Variants in CEP70 observed in about 807,000 individuals in gnomAD.
CEP70 encodes centrosomal protein 70.
CEP70 carries 70 observed loss-of-function variants against 90.9 expected under a neutral mutation model. The ratio of observed to expected loss-of-function variants is 0.77; its 90% confidence interval spans 0.64 to 0.94. The LOEUF (loss-of-function observed/expected upper bound fraction) is 0.94, where lower values mean the gene tolerates loss of function less well. CEP70 is among the 40% of genes least tolerant of loss of function. CEP70 has a pLI of 0.00. For synonymous variants in CEP70, 220 were observed against 228.3 expected, an observed-to-expected ratio of 0.96 and a Z score of 0.33; for missense variants, 648 against 669.0, an observed-to-expected ratio of 0.97 and a Z score of 0.35.
chr3:138,514,783 G>A (rs1469942664), intron 11 of CEP70, among the ~76,000 whole-genome samples: 1 of 151,950 alleles, frequency 6.6e-6, no homozygotes, highest in Non-Finnish European at 1.5e-5. Flanking sequence ...GTAGCTAAGA[G>A]TATAAGTTTT....
chr3:138,577,310 G>A (rs1402628420), intron 2 of CEP70, among the ~76,000 whole-genome samples: 3 of 152,090 alleles, frequency 2.0e-5, no homozygotes, highest in South Asian at 2.1e-4. Context: ...AAACCTGCAC[G>A]CTGTCATGTA....
At chr3:138,506,912 ATTT>A (rs879518945) in intron 12 of CEP70, among the ~76,000 whole-genome samples, 1 of 148,304 alleles carries the variant, frequency 6.7e-6, no homozygotes, top group Non-Finnish European at 1.5e-5. Context: ...AGCTAATTAA[ATTT>A]TTTTTTTTCT....
In CEP70 at chr3:138,500,021, A is replaced by C; in HGVS notation, c.1652+89T>G. 4.6e-6 allele frequency: 4 copies of C among 862,304 alleles called. No homozygotes were observed. Among genetic ancestry groups the C allele is most frequent in the South Asian group, 1.4e-5 (1 of 69,972 alleles). 53.4% of individuals were successfully genotyped at this position (862,304 alleles called of 1,614,324 possible). A position where few individuals can be genotyped will look rare whatever the true frequency, so the allele number is the denominator to read the frequency against. ...TCCTGGGTTCAAGTGATCCTCCCAC[A>C]TCAGCCTCCCAAGTAGCTGGGACTA... On this transcript the variant is annotated intron_variant, in intron 16 of 17. Transcript: ENST00000264982.
chr3:138,504,463 C>A (rs1038928112), intron 13 of CEP70, among the ~76,000 whole-genome samples: 2 of 152,142 alleles, frequency 1.3e-5, no homozygotes, highest in African/African-American at 2.4e-5. Context: ...AAAACACTGT[C>A]TTCATGGAGC....
At chr3:138,513,949 AT>A (rs2035763670) in intron 11 of CEP70, among the ~76,000 whole-genome samples, 1 of 145,214 alleles carries the variant, frequency 6.9e-6, no homozygotes, top group South Asian at 2.1e-4. Flanking sequence ...TTAACTACAA[AT>A]CTAAAAAAAA....
intron 6 of CEP70, among the ~76,000 whole-genome samples, chr3:138,558,739 A>T (rs931288598): frequency 6.6e-6 from 1 of 152,182 alleles, no homozygotes; most frequent in Admixed American, 6.5e-5. Context: ...GTAAAATAAC[A>T]CCACAGTAGA....
chr3:138,548,963 T>C (rs620035), intron 6 of CEP70, among the ~76,000 whole-genome samples: 83,560 of 151,938 alleles, frequency 0.55, 24,724 homozygotes, highest in African/African-American at 0.78. Context: ...GTCTAGCTCA[T>C]GGGACAGGAT....
chr3:138,581,980 T>C (rs1161760905), intron 2 of CEP70, among the ~76,000 whole-genome samples: 1 of 152,116 alleles, frequency 6.6e-6, no homozygotes, highest in Non-Finnish European at 1.5e-5. Context: ...TTTAAAATGC[T>C]GAAGCAAAAA....
intron 2 of CEP70, among the ~76,000 whole-genome samples, chr3:138,577,850 A>T (rs1486284665): frequency 6.6e-6 from 1 of 152,194 alleles, no homozygotes; most frequent in Non-Finnish European, 1.5e-5. Flanking sequence ...TGTTGAAGGG[A>T]AAAAAGACTT....
chr3:138,584,343 A>C (rs1460788834), intron 2 of CEP70, among the ~76,000 whole-genome samples: 1 of 151,980 alleles, frequency 6.6e-6, no homozygotes, highest in African/African-American at 2.4e-5. Context: ...CCAAACATTT[A>C]AAGAATTAAC....
rs751493975 is a variant in CEP70 at position 138,560,644 on chromosome 3, G to A, written c.465+9674C>T. Among the ~76,000 whole-genome samples, 80 of 152,106 alleles carry A rather than the reference G, an allele frequency of 5.3e-4. 1 individual carries two copies. Among genetic ancestry groups the A allele is most frequent in the Non-Finnish European group, 4.6e-4 (31 of 68,002 alleles). On this transcript the variant is annotated intron_variant, in intron 6 of 17. Transcript: ENST00000264982. ...CTGGCTTGAAATTCTCACTGCCAGC[G>A]CAGCAGTCTGAGGTCAACCTGGGAC...
At chr3:138,527,779 C>A (rs1185051579) in intron 10 of CEP70, among the ~76,000 whole-genome samples, 1 of 151,786 alleles carries the variant, frequency 6.6e-6, no homozygotes, top group Non-Finnish European at 1.5e-5. Flanking sequence ...GTCTCGAACT[C>A]CTGGCCTCAA....
intron 12 of CEP70, among the ~76,000 whole-genome samples, chr3:138,508,140 A>G (rs2035163150): frequency 6.6e-6 from 1 of 152,208 alleles, no homozygotes; most frequent in African/African-American, 2.4e-5. Context: ...AACAGAAACA[A>G]TACGAGGGAA....
At chr3:138,557,253 C>T (rs1263848611) in intron 6 of CEP70, among the ~76,000 whole-genome samples, 3 of 152,194 alleles carry the variant, frequency 2.0e-5, no homozygotes, top group African/African-American at 7.2e-5. Flanking sequence ...CTGAACATTG[C>T]TGTTATCCTG....
At chr3:138,519,916 G>A (rs1416247433) in intron 11 of CEP70, among the ~76,000 whole-genome samples, 1 of 152,168 alleles carries the variant, frequency 6.6e-6, no homozygotes, top group African/African-American at 2.4e-5. Flanking sequence ...AGACCCATCA[G>A]TGTGCTGTAT....
At position 138,537,354 on chromosome 3, in the gene CEP70, G is replaced by T. The variant is rs1341093661; in HGVS notation, c.466-7C>A. On this transcript the variant is annotated splice_polypyrimidine_tract_variant and splice_region_variant and intron_variant, in intron 6 of 17. Transcript: ENST00000264982. ...TATAATGCTGGCACTTCACCTATAA[G>T]ATATTTTTTAAAAACATGATTATGA... The T allele has an allele frequency of 6.4e-7, 1 of 1,561,076 alleles. No homozygotes were observed.
intron 4 of CEP70, 35 bp downstream of exon 4, chr3:138,571,229 CTT>C: frequency 6.4e-7 from 1 of 1,563,626 alleles, no homozygotes; most frequent in Non-Finnish European, 8.7e-7. Flanking sequence ...GAAAAATAAA[CTT>C]TTTACCTTAA....
At chr3:138,510,606 A>ATCGTT (rs2035437918) in intron 11 of CEP70, among the ~76,000 whole-genome samples, 1 of 152,204 alleles carries the variant, frequency 6.6e-6, no homozygotes, top group African/African-American at 2.4e-5. Flanking sequence ...GGCAGAGCGC[A>ATCGTT]TCGTTAATGA....
At chr3:138,529,178 A>C (rs1463923450) in intron 10 of CEP70, 21 bp downstream of exon 10, 4 of 1,536,746 alleles carry the variant, frequency 2.6e-6, no homozygotes, top group African/African-American at 1.4e-5. Flanking sequence ...AAAAAAAAAA[A>C]AAAAATTAAG....
Sources: gnomAD v4.1 joint callset for allele counts (sites outside exome capture counted in the v4.1 genomes callset) on GRCh38, gnomAD v4.1.1 for gene constraint, MANE v1.5 for transcripts, NCBI Gene and HGNC (gene_info 2026-07-23, HGNC 2026-07-21) for gene names.